The following ADAM15 variants were observed in gnomAD, a reference collection of about 807,000 sequenced individuals.
ADAM15 encodes ADAM metallopeptidase domain 15, also known as disintegrin and metalloproteinase domain-containing protein 15.
In ADAM15, 77 loss-of-function variants were observed where a neutral mutation model predicts 113.8. The observed-to-expected ratio is 0.68, with a 90% CI of 0.56 to 0.82. The LOEUF (loss-of-function observed/expected upper bound fraction) is 0.82. Among genes scored for constraint, ADAM15 ranks in the 40% least tolerant of loss-of-function variants. The probability of loss-of-function intolerance (pLI) is 0.00; values close to 1 mark genes in which losing one functional copy is unlikely to be tolerated. For synonymous variants in ADAM15, 388 were observed against 454.1 expected, an observed-to-expected ratio of 0.85 and a Z score of 1.85; for missense variants, 963 against 1,120.1, an observed-to-expected ratio of 0.86 and a Z score of 2.00.
At position 155,062,739 on chromosome 1, in the gene ADAM15, T is replaced by C. The variant is rs1022033385; in HGVS notation, c.*237T>C. On this transcript the variant is annotated 3_prime_UTR_variant, in exon 23 of 23. Transcript: ENST00000356955. This position sits in a 1 kb window ranked among gnomAD's most constrained non-coding sequence, Gnocchi z 7.0. ...GAGGAAGGTCCGCACAGCCTGTCTCTGCTCAGTTGCAATAAACGTGACATC... is the reference window on the plus strand; with the variant it reads ...GAGGAAGGTCCGCACAGCCTGTCTCCGCTCAGTTGCAATAAACGTGACATC... The C allele has an allele frequency of 2.3e-5, 12 of 524,640 alleles. No homozygotes were observed. Among genetic ancestry groups the C allele is most frequent in the Non-Finnish European group, 4.0e-5 (12 of 297,876 alleles). 32.5% of individuals were successfully genotyped at this position (524,640 alleles called of 1,614,324 possible).
intron 6 of ADAM15, 77 bp downstream of exon 6, chr1:155,054,583 C>T: frequency 7.1e-7 from 1 of 1,405,048 alleles, no homozygotes; most frequent in Non-Finnish European, 9.5e-7. Flanking sequence ...TATGTGTGCA[C>T]AGTAACAACA....
rs1662806948 is a variant in ADAM15 at position 155,062,583 on chromosome 1, A to C, written c.*81A>C. ...GTGCCCTCTGGAGTCCCCTACCATG[A>C]CTGAAGGCGCCAGAGACTGGCGGTG... On this transcript the variant is annotated 3_prime_UTR_variant, in exon 23 of 23. Transcript: ENST00000356955. The surrounding 1 kb of genome is among the most constrained non-coding windows in gnomAD (Gnocchi z 7.0). The C allele has an allele frequency of 6.5e-7, 1 of 1,546,336 alleles. No homozygotes were observed. Among genetic ancestry groups the C allele is most frequent in the Non-Finnish European group, 8.8e-7 (1 of 1,137,850 alleles).
intron 1 of ADAM15, 129 bp downstream of exon 1, chr1:155,051,594 G>T: frequency 1.1e-6 from 1 of 874,678 alleles, no homozygotes; most frequent in South Asian, 2.1e-5. Flanking sequence ...GCCCGCCCTG[G>T]TCCGCTGTCC....
At chr1:155,061,301 CCCACTGCCCTGGG>C (rs1263766494) in intron 19 of ADAM15, 101 bp from the exon 20 acceptor site, 1 of 708,814 alleles carries the variant, frequency 1.4e-6, no homozygotes, top group Non-Finnish European at 2.4e-6. Flanking sequence ...ATGCACAGCA[CCCACTGCCCTGGG>C]CCCCTGCTGG....
At position 155,062,108 on chromosome 1, in the gene ADAM15, A is replaced by G; in HGVS notation, c.2424+133A>G. ...GGCACATATCCCGGTGGTGCCTTTAATGGTGACAGGTTTGTTTGCAGACAA... is the reference window on the plus strand; with the variant it reads ...GGCACATATCCCGGTGGTGCCTTTAGTGGTGACAGGTTTGTTTGCAGACAA... On this transcript the variant is annotated intron_variant, in intron 21 of 22. Transcript: ENST00000356955. This position sits in a 1 kb window ranked among gnomAD's most constrained non-coding sequence, Gnocchi z 7.0. The G allele has an allele frequency of 6.8e-7, 1 of 1,474,324 alleles. No homozygotes were observed. The highest frequency in any genetic ancestry group is 9.0e-7 in the Non-Finnish European group (1 of 1,115,280). 91.3% of individuals were successfully genotyped at this position (1,474,324 alleles called of 1,614,324 possible). A position where few individuals can be genotyped will look rare whatever the true frequency, so the allele number is the denominator to read the frequency against.
Position 155,062,292 on chromosome 1 carries a change from C to G in ADAM15, c.2472C>G (p.Ala824=). ...KPPPPRKPLP[A]DPQGRCPSGD... is the part of the protein sequence containing the mutation. ...CACCCCCAAGGAAGCCACTGCCTGC[C>G]GACCCCCAGGGCCGGTGCCCATCGG... The change falls in exon 22 of 23, where the codon GCC becomes GCG. Residue 824 remains alanine, a synonymous_variant. Transcript: ENST00000356955. This position sits in a 1 kb window ranked among gnomAD's most constrained non-coding sequence, Gnocchi z 7.0. 1.4e-6 allele frequency: 2 copies of G among 1,475,682 alleles called. No homozygotes were observed. The highest frequency in any genetic ancestry group is 1.4e-5 in the African/African-American group (1 of 70,808). 91.4% of individuals were successfully genotyped at this position (1,475,682 alleles called of 1,614,324 possible). A position where few individuals can be genotyped will look rare whatever the true frequency, so the allele number is the denominator to read the frequency against.
In ADAM15 at chr1:155,058,158, A is replaced by G; in HGVS notation, c.1721+3A>G. On this transcript the variant is annotated splice_donor_region_variant and intron_variant, in intron 14 of 22. Transcript: ENST00000356955. This position sits in a 1 kb window ranked among gnomAD's most constrained non-coding sequence, Gnocchi z 4.3. ...AGTTATGTGTCCTGCACCCCTAGGT[A>G]AGTGAGGAAACCTGGCTCCTCCTTT... 6.2e-7 allele frequency: 1 copy of G among 1,611,364 alleles called. No individual in the cohort carries two copies. Among genetic ancestry groups the G allele is most frequent in the Non-Finnish European group, 8.5e-7 (1 of 1,177,942 alleles).
rs1054622471 is a variant in ADAM15 at position 155,060,934 on chromosome 1, A to G, written c.2277+102A>G. On this transcript the variant is annotated intron_variant, in intron 19 of 22. Transcript: ENST00000356955. Reference sequence around the variant, plus strand: ...AAGGCTCCAGACTCAGAGAAAGGCTAGCACTGCCCAAGAGTCAGTCGAAGG... The same window carrying G: ...AAGGCTCCAGACTCAGAGAAAGGCTGGCACTGCCCAAGAGTCAGTCGAAGG... The G allele has an allele frequency of 1.3e-5, 15 of 1,151,344 alleles. No homozygotes were observed. In the Admixed American group the frequency reaches 2.2e-4, roughly 17 times the overall value. The allele number at this position is 1,151,344 out of a possible 1,614,324, so 71.3% of individuals were successfully genotyped here. A position where few individuals can be genotyped will look rare whatever the true frequency, so the allele number is the denominator to read the frequency against.
Position 155,060,220 on chromosome 1 carries a change from C to T in ADAM15, c.2084C>T (p.Thr695Ile). ...CCGCCCACAGCAACCAGCTCCCTGA[C>T]CACAGGGCTGCTCCTCAGCCTCCTG... is the stretch of plus-strand genomic sequence containing the variant. ...TTQLKATSSL[T>I]TGLLLSLLVL... The change falls in exon 18 of 23, where the codon ACC (threonine) becomes ATC (isoleucine). Residue 695 changes from threonine to isoleucine, a missense_variant. By Grantham distance (89) the Thr-to-Ile change is moderately conservative. Transcript: ENST00000356955. 1.2e-6 allele frequency: 2 copies of T among 1,614,112 alleles called. No individual in the cohort carries two copies. The highest frequency in any genetic ancestry group is 1.7e-6 in the Non-Finnish European group (2 of 1,180,000).
Position 155,055,923 on chromosome 1 carries a change from G to A in ADAM15, c.676-9G>A. The A allele has an allele frequency of 6.2e-7, 1 of 1,613,910 alleles. No individual in the cohort carries two copies. The highest frequency in any genetic ancestry group is 1.6e-4 in the Middle Eastern group (1 of 6,062). ...TGCCGCCTTTCATGTCACCTCTCTT[G>A]GCCTACAGGCCCAGAAATACCGGGA... On this transcript the variant is annotated splice_polypyrimidine_tract_variant and intron_variant, in intron 7 of 22. Transcript: ENST00000356955.
Position 155,055,991 on chromosome 1 carries a change from G to C in ADAM15, c.735G>C (p.Leu245Phe). 6.2e-7 allele frequency: 1 copy of C among 1,613,892 alleles called. No individual in the cohort carries two copies. ...ACCGCACACTGGAAGTGGCCCTCTT[G>C]CTGGACACAGTGAGTGCTGGACAGG... is the stretch of plus-strand genomic sequence containing the variant. ...LLNRTLEVAL[L>F]LDTFFRPLNV... Residue 245 changes from leucine (L) to phenylalanine (F), a missense_variant, in exon 8 of 23, where the codon TTG becomes TTC. Leu to Phe is a conservative substitution (Grantham distance 22). Transcript: ENST00000356955.
chr1:155,057,577 G>A lies in ADAM15; in HGVS notation c.1324-60G>A. 6.3e-7 allele frequency: 1 copy of A among 1,585,330 alleles called. No individual in the cohort carries two copies. The highest frequency in any genetic ancestry group is 8.7e-7 in the Non-Finnish European group (1 of 1,154,862). ...TTGGCCTGTGGGAGGAGGAGAGATT[G>A]GAGGGAGGCTCACAGGCCCCACCTG... On this transcript the variant is annotated intron_variant, in intron 12 of 22. Transcript: ENST00000356955. The surrounding 1 kb of genome is among the most constrained non-coding windows in gnomAD (Gnocchi z 5.0).
Position 155,052,732 on chromosome 1 carries a change from G to C in ADAM15, c.141G>C (p.Gln47His), listed in dbSNP as rs936398494. Residue 47 changes from glutamine (Q) to histidine (H), a missense_variant, in exon 2 of 23, where the codon CAG (glutamine) becomes CAC (histidine). Physicochemically the swap from Gln to His is conservative, Grantham distance 24 (BLOSUM62 0). Transcript: ENST00000356955. ...EKAPREPLEP[Q>H]VLQDDLPISL... ...CCCCGAGGGAGCCCTTGGAGCCCCA[G>C]GTCCTTCAGGACGATCTCCCAATTA... is the stretch of plus-strand genomic sequence containing the variant. 5.6e-6 allele frequency: 9 copies of C among 1,612,402 alleles called. No individual in the cohort carries two copies. In the Admixed American group the frequency reaches 1.3e-4, roughly 24 times the overall value.
chr1:155,062,398 G>C lies in ADAM15; in HGVS notation c.2549+29G>C, dbSNP rs766694887. The C allele has an allele frequency of 6.2e-7, 1 of 1,609,252 alleles. No individual in the cohort carries two copies. The highest frequency in any genetic ancestry group is 8.5e-7 in the Non-Finnish European group (1 of 1,178,442). ...GGAGGAGCCCTGGGCATGGGTGGGC[G>C]GGGCGAGTGACCTGGGGGAAAGGGG... On this transcript the variant is annotated intron_variant, in intron 22 of 22. Transcript: ENST00000356955. This position sits in a 1 kb window ranked among gnomAD's most constrained non-coding sequence, Gnocchi z 7.0.
Position 155,060,802 on chromosome 1 carries a change from G to A in ADAM15, c.2247G>A (p.Pro749=), listed in dbSNP as rs143147672. Residue 749 remains proline (P), a synonymous_variant, in exon 19 of 23, where the codon CCG becomes CCA. Coordinates refer to ENST00000356955, the MANE Select transcript of ADAM15 (RefSeq NM_207197.3). The part of the protein sequence containing the change: ...QSGPSERPGP[P]QRALLARGTK... ...GTCCCTCTGAACGGCCAGGACCTCC[G>A]CAGAGGGCCCTGCTGGCACGAGGCA... 1.7e-5 allele frequency: 28 copies of A among 1,612,944 alleles called. 2 individuals carry two copies. In the South Asian group the frequency reaches 2.5e-4, roughly 15 times the overall value.
At chr1:155,059,526 G>T (rs751224232) in intron 16 of ADAM15, among the ~76,000 whole-genome samples, 40 of 152,188 alleles carry the variant, frequency 2.6e-4, no homozygotes, top group Admixed American at 4.6e-4. Flanking sequence ...CTACTTGGGA[G>T]GCTGAGGCAG....
chr1:155,052,891 G>A, intron 2 of ADAM15, 114 bp downstream of exon 2: 2 of 1,399,072 alleles, frequency 1.4e-6, no homozygotes, highest in Non-Finnish European at 1.9e-6. Context: ...TCACTGTAGT[G>A]GGTCTATCCC....
At chr1:155,053,381 G>A in intron 2 of ADAM15, 36 bp from the exon 3 acceptor site, 1 of 1,604,222 alleles carries the variant, frequency 6.2e-7, no homozygotes, top group Non-Finnish European at 8.5e-7. Context: ...GTTGTGGACA[G>A]GTCTAGGGAG....
Position 155,057,479 on chromosome 1 carries a change from T to A in ADAM15, c.1323+117T>A. 4.0e-6 allele frequency: 6 copies of A among 1,500,456 alleles called. No homozygotes were observed. Among genetic ancestry groups the A allele is most frequent in the Non-Finnish European group, 5.5e-6 (6 of 1,097,162 alleles). The allele number at this position is 1,500,456 out of a possible 1,614,324, so 92.9% of individuals were successfully genotyped here. ...CTGAAGGGACTTTCCACCCCTCTCC[T>A]ACTTGCCCTGTCTGTGGGGACAGCA... On this transcript the variant is annotated intron_variant, in intron 12 of 22. Coordinates refer to ENST00000356955, the MANE Select transcript of ADAM15 (RefSeq NM_207197.3). This position sits in a 1 kb window ranked among gnomAD's most constrained non-coding sequence, Gnocchi z 5.0.
Sources: allele counts gnomAD v4.1 joint callset (sites outside exome capture counted in the v4.1 genomes callset), GRCh38; gene constraint gnomAD v4.1.1; non-coding constraint Gnocchi (gnomAD v3.1); transcripts MANE v1.5; gene names NCBI Gene and HGNC (gene_info 2026-07-23, HGNC 2026-07-21).